Variants in APAF1 observed in about 807,000 individuals in gnomAD.
APAF1 encodes apoptotic protease-activating factor 1.
In APAF1, 91 loss-of-function variants were observed where a neutral mutation model predicts 152.4. The ratio of observed to expected loss-of-function variants is 0.60; its 90% confidence interval spans 0.50 to 0.71. APAF1 has a LOEUF of 0.71. APAF1 is among the 30% of genes least tolerant of loss of function. APAF1 has a pLI of 0.00. For missense variants in APAF1, 1,283 were observed against 1,472.0 expected, an observed-to-expected ratio of 0.87 and a Z score of 2.10; for synonymous variants, 484 against 494.1, an observed-to-expected ratio of 0.98 and a Z score of 0.27.
At chr12:98,695,748 A>G (rs893453523) in intron 16 of APAF1, among the ~76,000 whole-genome samples, 2 of 152,200 alleles carry the variant, frequency 1.3e-5, no homozygotes, top group African/African-American at 2.4e-5. Context: ...GGAGATTTCA[A>G]TGGACTTTTA....
At chr12:98,657,662 CT>C (rs2097659475) in intron 4 of APAF1, among the ~76,000 whole-genome samples, 1 of 152,194 alleles carries the variant, frequency 6.6e-6, no homozygotes, top group Non-Finnish European at 1.5e-5. Context: ...TTGTTTCCAG[CT>C]TTTTCCTGTT....
At chr12:98,646,253 G>A (rs893204588) in intron 1 of APAF1, among the ~76,000 whole-genome samples, 1 of 152,114 alleles carries the variant, frequency 6.6e-6, no homozygotes, top group South Asian at 2.1e-4. Flanking sequence ...TTTTCACATC[G>A]AATTTCATTA....
intron 14 of APAF1, among the ~76,000 whole-genome samples, chr12:98,682,084 C>T (rs1330241717): frequency 9.5e-5 from 13 of 136,716 alleles, no homozygotes; most frequent in Admixed American, 3.0e-4. Flanking sequence ...GACGGAGTCT[C>T]GCTCTTTCGC....
chr12:98,689,338 C>T (rs1019471127), intron 16 of APAF1, among the ~76,000 whole-genome samples: 3 of 151,958 alleles, frequency 2.0e-5, no homozygotes, highest in African/African-American at 7.3e-5. Flanking sequence ...CTATGTGTGC[C>T]CCTGTAGCTT....
chr12:98,663,945 AC>A (rs1323023130), intron 7 of APAF1, among the ~76,000 whole-genome samples: 1 of 152,074 alleles, frequency 6.6e-6, no homozygotes, highest in African/African-American at 2.4e-5. Flanking sequence ...GGCATGAGCT[AC>A]CATACCTGGC....
At chr12:98,655,432 G>A (rs1490641296) in intron 4 of APAF1, among the ~76,000 whole-genome samples, 11 of 150,082 alleles carry the variant, frequency 7.3e-5, no homozygotes, top group Admixed American at 4.6e-4. Flanking sequence ...CTCACCTCCC[G>A]GACGGGGCGG....
chr12:98,727,300 C>T lies in APAF1; in HGVS notation c.3584C>T (p.Ala1195Val), dbSNP rs2097751983. 6.2e-7 allele frequency: 1 copy of T among 1,614,044 alleles called. No homozygotes were observed. Among genetic ancestry groups the T allele is most frequent in the Non-Finnish European group, 8.5e-7 (1 of 1,179,982 alleles). ...CCAGATGGCAAAATGCTTATCTCTGCTGGAGGATATATTAAGGTAAGAGTT... is the reference window on the plus strand; with the variant it reads ...CCAGATGGCAAAATGCTTATCTCTGTTGGAGGATATATTAAGGTAAGAGTT... Reference protein sequence around the residue: ...FSPDGKMLISAGGYIKWWNVV... With the variant: ...FSPDGKMLISVGGYIKWWNVV... The change falls in exon 26 of 27, where the codon GCT becomes GTT. Residue 1195 changes from alanine to valine, a missense_variant. Transcript: ENST00000551964.
At chr12:98,654,005 A>C (rs1020668258) in intron 4 of APAF1, among the ~76,000 whole-genome samples, 2 of 151,994 alleles carry the variant, frequency 1.3e-5, no homozygotes, top group Non-Finnish European at 1.5e-5. Context: ...AGTAGTGTGG[A>C]GTTTTCCCTG....
intron 4 of APAF1, among the ~76,000 whole-genome samples, chr12:98,654,488 C>T (rs1381180710): frequency 6.6e-6 from 1 of 152,106 alleles, no homozygotes; most frequent in Non-Finnish European, 1.5e-5. Context: ...GATCTCAGCT[C>T]ACTGCAACCT....
intron 1 of APAF1, among the ~76,000 whole-genome samples, chr12:98,647,347 C>T (rs2097642541): frequency 6.6e-6 from 1 of 151,012 alleles, no homozygotes; most frequent in African/African-American, 2.4e-5. Flanking sequence ...AACTTCTAAA[C>T]GTCTATATAT....
intron 5 of APAF1, among the ~76,000 whole-genome samples, chr12:98,662,147 C>CTTTTTTT (rs575642787): frequency 2.7e-5 from 3 of 110,442 alleles, no homozygotes; most frequent in Non-Finnish European, 3.8e-5. Context: ...GTAATGGTCG[C>CTTTTTTT]TTTTTTTTTT....
intron 9 of APAF1, among the ~76,000 whole-genome samples, chr12:98,667,118 T>A (rs1015713809): frequency 1.3e-5 from 2 of 151,976 alleles, no homozygotes; most frequent in African/African-American, 2.4e-5. Flanking sequence ...ATGTATTTTT[T>A]TTTTTTTGAG....
At chr12:98,732,215 C>T (rs1302313120) in intron 26 of APAF1, among the ~76,000 whole-genome samples, 1 of 152,100 alleles carries the variant, frequency 6.6e-6, no homozygotes, top group Non-Finnish European at 1.5e-5. Flanking sequence ...TGGGTGTAGG[C>T]GGAGCAGTGA....
chr12:98,715,395 T>A, intron 21 of APAF1, 32 bp from the exon 22 acceptor site: 1 of 1,608,166 alleles, frequency 6.2e-7, no homozygotes, highest in East Asian at 2.2e-5. Flanking sequence ...GCTTAGTTTC[T>A]TCTTAATTTT....
chr12:98,697,387 G>A (rs1470728386), intron 16 of APAF1, among the ~76,000 whole-genome samples: 1 of 152,134 alleles, frequency 6.6e-6, no homozygotes. Context: ...ACTCATTGAG[G>A]GTAGTATCTG....
chr12:98,723,619 GTTTT>G lies in APAF1; in HGVS notation c.3205-7_3205-4del, dbSNP rs199829267. The G allele has an allele frequency of 1.0e-5, 14 of 1,366,450 alleles. No individual in the cohort carries two copies. Among genetic ancestry groups the G allele is most frequent in the South Asian group, 1.3e-5 (1 of 78,694 alleles). 84.6% of individuals were successfully genotyped at this position (1,366,450 alleles called of 1,614,324 possible). ...TTCTTAAAAGTGTCAACCTCCAAGT[GTTTT>G]TTTTTTTTTTTTAAGGTATGGAATA... On this transcript the variant is annotated splice_polypyrimidine_tract_variant and intron_variant, in intron 23 of 26. Coordinates refer to ENST00000551964, the MANE Select transcript of APAF1 (RefSeq NM_181861.2).
chr12:98,649,601 G>T lies in APAF1; in HGVS notation c.443G>T (p.Gly148Val). 1 of 1,614,074 alleles carries T rather than the reference G, an allele frequency of 6.2e-7. No homozygotes were observed. Among genetic ancestry groups the T allele is most frequent in the Non-Finnish European group, 8.5e-7 (1 of 1,179,922 alleles). The change falls in exon 4 of 27, where the codon GGA (glycine) becomes GTA (valine). Residue 148 changes from glycine (G) to valine (V), a missense_variant. By Grantham distance (109) the Gly-to-Val change is moderately radical. Coordinates refer to ENST00000551964, the MANE Select transcript of APAF1 (RefSeq NM_181861.2). ...QKLSKLKGEP[G>V]WVTIHGMAGC... ...CTCTCCAAATTGAAAGGTGAACCAG[G>T]ATGGGTCACCATACATGGAATGGCA...
At chr12:98,666,803 ATGT>A (rs1238982621) in intron 9 of APAF1, among the ~76,000 whole-genome samples, 8 of 152,074 alleles carry the variant, frequency 5.3e-5, no homozygotes, top group African/African-American at 1.2e-4. Context: ...AATACCAATG[ATGT>A]TGTATCTTTC....
In APAF1 at chr12:98,666,356, A is replaced by G. The variant is rs150056794; in HGVS notation, c.1361A>G (p.Gln454Arg). The G allele has an allele frequency of 5.0e-4, 805 of 1,610,756 alleles. 1 individual carries two copies. Among genetic ancestry groups the G allele is most frequent in the Non-Finnish European group, 6.7e-4 (791 of 1,179,174 alleles). ...FLTEKNCSQL[Q>R]DLHKKIITQF... ...ACAGAGAAGAATTGCAGCCAGCTTCAGGTACTTGCATCTTGGTTTACTTTT... is the reference window on the plus strand; with the variant it reads ...ACAGAGAAGAATTGCAGCCAGCTTCGGGTACTTGCATCTTGGTTTACTTTT... Residue 454 changes from glutamine to arginine, a missense_variant and splice_region_variant, in exon 9 of 27, where the codon CAG becomes CGG. Transcript: ENST00000551964.
Sources: allele counts gnomAD v4.1 joint callset (sites outside exome capture counted in the v4.1 genomes callset), GRCh38; gene constraint gnomAD v4.1.1; transcripts MANE v1.5; gene names NCBI Gene and HGNC (gene_info 2026-07-23, HGNC 2026-07-21).